The following DLGAP4 variants were observed in gnomAD, a reference collection of about 807,000 sequenced individuals.
The protein encoded by DLGAP4 is DLG associated protein 4, also known as disks large-associated protein 4.
Under a neutral mutation model 86.9 loss-of-function variants are expected in DLGAP4, and 18 were observed. The observed-to-expected ratio is 0.21, with a 90% CI of 0.14 to 0.31. The LOEUF (loss-of-function observed/expected upper bound fraction) is 0.31, where lower values mean the gene tolerates loss of function less well. DLGAP4 is among the 10% of genes least tolerant of loss of function. The pLI, the probability that DLGAP4 is intolerant of heterozygous loss-of-function variation, is 1.00. For missense variants in DLGAP4, 1,085 were observed against 1,362.6 expected, an observed-to-expected ratio of 0.80 and a Z score of 3.21; for synonymous variants, 548 against 574.3, an observed-to-expected ratio of 0.95 and a Z score of 0.65.
At chr20:36,409,809 G>A (rs1366183615) in intron 2 of DLGAP4, among the ~76,000 whole-genome samples, 4 of 151,722 alleles carry the variant, frequency 2.6e-5, no homozygotes, top group African/African-American at 7.3e-5. Context: ...CAAGGTGGGC[G>A]GATCACGAGG....
In DLGAP4 at chr20:36,446,819, C is replaced by A; in HGVS notation, c.1530C>A (p.Ser510Arg). 1 of 1,612,966 alleles carries A rather than the reference C, an allele frequency of 6.2e-7. No individual in the cohort carries two copies. The highest frequency in any genetic ancestry group is 8.5e-7 in the Non-Finnish European group (1 of 1,179,826). ...LPLPSYFRSR[S>R]HSYLRAIQAG... ...TGCCCAGCTACTTCCGCTCCCGCAG[C>A]CACAGCTACCTGCGTGCCATCCAGG... Residue 510 changes from serine to arginine, a missense_variant, in exon 7 of 13, where the codon AGC becomes AGA. Around this residue, in one of 2 missense-constraint regions of DLGAP4, gnomAD observed 1,082 missense variants for 1,344.1 expected, o/e 0.81. Transcript: ENST00000339266.
Position 36,479,063 on chromosome 20 carries a change from G to T in DLGAP4, c.1649-17642G>T, listed in dbSNP as rs373760922. ...GGCAGAGTTCTATGGACAGGATGGG[G>T]TGGTTGGTGACCTTCTGATTGGTAG... On this transcript the variant is annotated intron_variant, in intron 7 of 12. Transcript: ENST00000339266. Among the ~76,000 whole-genome samples the T allele has an allele frequency of 2.4e-4, 37 of 152,344 alleles. No individual in the cohort carries two copies. In the East Asian group the frequency reaches 6.0e-3, roughly 25 times the overall value.
At chr20:36,526,147 G>A in intron 12 of DLGAP4, 141 bp downstream of exon 12, 1 of 1,259,088 alleles carries the variant, frequency 7.9e-7, no homozygotes, top group Non-Finnish European at 1.1e-6. Context: ...TCACTGCGTG[G>A]GGTCCATGCT....
At chr20:36,392,020 T>C (rs1179324710) in intron 2 of DLGAP4, among the ~76,000 whole-genome samples, 1 of 152,174 alleles carries the variant, frequency 6.6e-6, no homozygotes, top group Non-Finnish European at 1.5e-5. Flanking sequence ...CTGACTTCAC[T>C]TGGTGGGCCT....
At chr20:36,503,139 C>G (rs1030164020) in intron 10 of DLGAP4, among the ~76,000 whole-genome samples, 7 of 151,822 alleles carry the variant, frequency 4.6e-5, no homozygotes, top group Non-Finnish European at 1.0e-4. Context: ...AGGCTCTCAC[C>G]TTTTCTTCCT....
intron 11 of DLGAP4, among the ~76,000 whole-genome samples, chr20:36,525,254 A>AAAAAAAAAAAAAAAAAC (rs1569527332): frequency 4.8e-5 from 3 of 62,464 alleles, no homozygotes; most frequent in African/African-American, 1.1e-4. Flanking sequence ...AAAAAAAAAA[A>AAAAAAAAAAAAAAAAAC]CAAAGAAATC....
intron 7 of DLGAP4, among the ~76,000 whole-genome samples, chr20:36,481,375 C>CT (rs1356729609): frequency 6.6e-6 from 1 of 152,196 alleles, no homozygotes; most frequent in Non-Finnish European, 1.5e-5. Flanking sequence ...TAGCCATGCC[C>CT]TTTTAAATTG....
intron 1 of DLGAP4, among the ~76,000 whole-genome samples, chr20:36,363,385 T>G (rs2030584339): frequency 6.6e-6 from 1 of 152,226 alleles, no homozygotes; most frequent in South Asian, 2.1e-4. Flanking sequence ...GAGCATTTCC[T>G]CTGGCTTCTG....
chr20:36,366,835 A>G (rs952750252), intron 1 of DLGAP4, among the ~76,000 whole-genome samples: 5 of 152,116 alleles, frequency 3.3e-5, no homozygotes, highest in African/African-American at 1.2e-4. Flanking sequence ...ATGACATGCA[A>G]ATTTGCCTCT....
chr20:36,414,917 G>A (rs1014834499), intron 2 of DLGAP4, among the ~76,000 whole-genome samples: 22 of 152,098 alleles, frequency 1.4e-4, no homozygotes, highest in Non-Finnish European at 2.2e-4. Context: ...GAGGGATGAG[G>A]GCCATGCAGA....
At chr20:36,379,377 GA>G (rs891920966) in intron 2 of DLGAP4, among the ~76,000 whole-genome samples, 1 of 152,214 alleles carries the variant, frequency 6.6e-6, no homozygotes, top group Non-Finnish European at 1.5e-5. Flanking sequence ...GAGATGCCTT[GA>G]GCATCTGCCG....
At chr20:36,381,638 C>A (rs1222609923) in intron 2 of DLGAP4, among the ~76,000 whole-genome samples, 1 of 152,176 alleles carries the variant, frequency 6.6e-6, no homozygotes, top group African/African-American at 2.4e-5. Context: ...GGGGCAGAGG[C>A]ACTGGAGGAG....
At chr20:36,458,978 C>T (rs2033953560) in intron 7 of DLGAP4, among the ~76,000 whole-genome samples, 1 of 152,208 alleles carries the variant, frequency 6.6e-6, no homozygotes, top group Non-Finnish European at 1.5e-5. Context: ...CGCGTGGGGA[C>T]AGCCCTCACT....
At chr20:36,327,948 C>T (rs2065232625) in intron 1 of DLGAP4, among the ~76,000 whole-genome samples, 1 of 150,568 alleles carries the variant, frequency 6.6e-6, no homozygotes, top group Admixed American at 6.6e-5. Context: ...CCTGTAATCC[C>T]AGCACTTTGG....
intron 7 of DLGAP4, among the ~76,000 whole-genome samples, chr20:36,459,588 G>T (rs1023586020): frequency 1.2e-4 from 19 of 152,126 alleles, no homozygotes; most frequent in Admixed American, 5.9e-4. Context: ...ATGTTGCCCA[G>T]GCTGGTCTTT....
Position 36,387,802 on chromosome 20 carries a change from G to A in DLGAP4, c.-73+20527G>A, listed in dbSNP as rs558894885. On this transcript the variant is annotated intron_variant, in intron 2 of 12. Transcript: ENST00000339266. Reference sequence around the variant, plus strand: ...TACCATCTCTGTTTTATGTTTAAGCGCCCATGTATTTATGGATCTGTTTCT... The same window carrying A: ...TACCATCTCTGTTTTATGTTTAAGCACCCATGTATTTATGGATCTGTTTCT... Among the ~76,000 whole-genome samples the A allele has an allele frequency of 2.6e-4, 39 of 152,144 alleles. 1 individual carries two copies. Among genetic ancestry groups the A allele is most frequent in the South Asian group, 8.3e-4 (4 of 4,814 alleles).
chr20:36,499,152 A>G (rs1600658788), intron 8 of DLGAP4: 2 of 1,283,056 alleles, frequency 1.6e-6, no homozygotes, highest in East Asian at 4.9e-5. Context: ...CTTCAACTAC[A>G]CCAGATAACG....
At chr20:36,361,877 G>A (rs1555894242) in intron 1 of DLGAP4, among the ~76,000 whole-genome samples, 1 of 151,778 alleles carries the variant, frequency 6.6e-6, no homozygotes, top group African/African-American at 2.4e-5. Flanking sequence ...TACTCGGGAG[G>A]CTGAGACAGG....
Position 36,314,024 on chromosome 20 carries a change from G to A in DLGAP4, c.-304+7512G>A, listed in dbSNP as rs1192970593. Among the ~76,000 whole-genome samples, 4 of 152,246 alleles carry A rather than the reference G, an allele frequency of 2.6e-5. No individual in the cohort carries two copies. In the East Asian group the frequency reaches 7.8e-4, roughly 30 times the overall value. ...TCCTATCCTCAAAGTGAGTGTGGCG[G>A]CAGGTGAAGGGGTGTCGGCATCTGA... On this transcript the variant is annotated intron_variant, in intron 1 of 12. Transcript: ENST00000339266.
Sources: gnomAD v4.1 joint callset for allele counts (sites outside exome capture counted in the v4.1 genomes callset) on GRCh38, gnomAD v4.1.1 for gene constraint, gnomAD v4.1.1 regional missense constraint, MANE v1.5 for transcripts, NCBI Gene and HGNC (gene_info 2026-07-23, HGNC 2026-07-21) for gene names.